Variants in EPB41 observed in about 807,000 individuals in gnomAD.
EPB41 encodes the protein erythrocyte membrane protein band 4.1.
In EPB41, 65 loss-of-function variants were observed where a neutral mutation model predicts 108.0. The observed-to-expected ratio is 0.60, with a 90% CI of 0.49 to 0.74. The LOEUF is 0.74. EPB41 is among the 30% of genes least tolerant of loss of function. EPB41 has a pLI of 0.00. For synonymous variants in EPB41, 336 were observed against 358.9 expected (o/e 0.94, Z 0.72); for missense variants, 875 against 1,037.0 (o/e 0.84, Z 2.15).
chr1:28,950,271 T>TA (rs754443788), intron 1 of EPB41, among the ~76,000 whole-genome samples: 6 of 152,230 alleles, frequency 3.9e-5, no homozygotes, highest in Non-Finnish European at 7.3e-5. Context: ...AACAGTTTAA[T>TA]AAACTGTGGC....
In EPB41 at chr1:29,064,969, C is replaced by G. The variant is rs1404145829; in HGVS notation, c.2008-13C>G. 1 of 1,613,694 alleles carries G rather than the reference C, an allele frequency of 6.2e-7. No homozygotes were observed. The highest frequency in any genetic ancestry group is 1.7e-5 in the Admixed American group (1 of 60,016). On this transcript the variant is annotated splice_polypyrimidine_tract_variant and intron_variant, in intron 15 of 20. Transcript: ENST00000343067. ...TTGTGTATTGTTTTGCATCTTTGTCCTTTCAACTGTAGGATTTAGACAAGA... is the reference window on the plus strand; with the variant it reads ...TTGTGTATTGTTTTGCATCTTTGTCGTTTCAACTGTAGGATTTAGACAAGA...
In EPB41 at chr1:29,058,853, G is replaced by C. The variant is rs1477424620; in HGVS notation, c.1944+1G>C. On this transcript the variant is annotated splice_donor_variant, in intron 14 of 20. Coordinates refer to ENST00000343067, the MANE Select transcript of EPB41 (RefSeq NM_001376013.1). LOFTEE classifies it high-confidence loss of function. ...TGAAGATCTGATAAGAATGAGGAAG[G>C]TTAGCCATTTTTCACTTTCACAAAA... 30 of 1,551,064 alleles carry C rather than the reference G, an allele frequency of 1.9e-5. No individual in the cohort carries two copies. Among genetic ancestry groups the C allele is most frequent in the Non-Finnish European group, 2.6e-5 (30 of 1,146,686 alleles).
At chr1:28,900,291 T>C (rs1031656223) in intron 1 of EPB41, among the ~76,000 whole-genome samples, 19 of 132,926 alleles carry the variant, frequency 1.4e-4, no homozygotes, top group African/African-American at 5.6e-4. Flanking sequence ...CTTCTTCTTC[T>C]TTTTTTTTTT....
chr1:28,918,818 G>A (rs147346189), intron 1 of EPB41, among the ~76,000 whole-genome samples: 1 of 152,344 alleles, frequency 6.6e-6, no homozygotes, highest in African/African-American at 2.4e-5. Context: ...TTAGAGGAGA[G>A]GAGAGGCAGA....
Position 29,115,465 on chromosome 1 carries a change from C to T in EPB41, c.2497-234C>T, listed in dbSNP as rs542312421. Among the ~76,000 whole-genome samples, 1 of 152,228 alleles carries T rather than the reference C, an allele frequency of 6.6e-6. No individual in the cohort carries two copies. Among genetic ancestry groups the T allele is most frequent in the Admixed American group, 6.5e-5 (1 of 15,282 alleles). Reference sequence around the variant, plus strand: ...CAGCTATGACCCCCGAAGTCCCTCTCCAGTTCCTAGAAGACAGCGCTAACC... The same window carrying T: ...CAGCTATGACCCCCGAAGTCCCTCTTCAGTTCCTAGAAGACAGCGCTAACC... On this transcript the variant is annotated intron_variant, in intron 19 of 20. Transcript: ENST00000343067. The surrounding 1 kb of genome is among the most constrained non-coding windows in gnomAD (Gnocchi z 4.4).
intron 16 of EPB41, chr1:29,068,864 T>G (rs868034442): frequency 9.2e-7 from 1 of 1,090,220 alleles, no homozygotes; most frequent in South Asian, 4.7e-5. Flanking sequence ...CCCCCAGAAC[T>G]GAACAACAGC....
intron 4 of EPB41, 78 bp from the exon 5 acceptor site, chr1:29,011,787 G>A: frequency 1.3e-6 from 2 of 1,483,098 alleles, no homozygotes; most frequent in Non-Finnish European, 1.9e-6. Flanking sequence ...TTTGAAGATA[G>A]TCAGTGATCT....
chr1:29,092,093 C>CTTTTTTTT (rs35413713), intron 16 of EPB41, among the ~76,000 whole-genome samples: 1 of 113,160 alleles, frequency 8.8e-6, no homozygotes, highest in Non-Finnish European at 1.8e-5. Context: ...TTCTTACCTT[C>CTTTTTTTT]TTTTTTTTTT....
In EPB41 at chr1:28,894,321, C is replaced by T. The variant is rs148489915; in HGVS notation, c.-8+7111C>T. Among the ~76,000 whole-genome samples the T allele has an allele frequency of 9.6e-4, 146 of 152,272 alleles. 1 individual carries two copies. The highest frequency in any genetic ancestry group is 1.5e-3 in the Non-Finnish European group (102 of 68,026). On this transcript the variant is annotated intron_variant, in intron 1 of 16. Transcript: ENST00000347529. ...CCAAAGGAATGAAGATATTTATTGA[C>T]TGTTTATGGTATACCTATCAATGTG... is the stretch of plus-strand genomic sequence containing the variant.
At chr1:28,939,172 C>G (rs975154065) in intron 1 of EPB41, among the ~76,000 whole-genome samples, 1 of 151,980 alleles carries the variant, frequency 6.6e-6, no homozygotes, top group Non-Finnish European at 1.5e-5. Flanking sequence ...AAATTCCTTT[C>G]TATTACTAGT....
chr1:29,104,835 G>A (rs1416948383), intron 17 of EPB41, among the ~76,000 whole-genome samples: 1 of 151,860 alleles, frequency 6.6e-6, no homozygotes, highest in African/African-American at 2.4e-5. Context: ...TGATCCTTCC[G>A]CCTCGGCCTC....
intron 16 of EPB41, among the ~76,000 whole-genome samples, chr1:29,081,102 G>A (rs989929620): frequency 5.3e-5 from 8 of 152,074 alleles, no homozygotes; most frequent in Non-Finnish European, 1.0e-4. Flanking sequence ...ATAATTAGTT[G>A]TCTTTTGCTT....
chr1:28,997,903 A>C (rs2096218581), intron 4 of EPB41, among the ~76,000 whole-genome samples: 2 of 152,210 alleles, frequency 1.3e-5, no homozygotes. Context: ...GTTAAAAGTC[A>C]GGTATTTACC....
At chr1:28,921,961 T>TATATATATATATATATATATATATATGC (rs770764638) in intron 1 of EPB41, among the ~76,000 whole-genome samples, 2 of 109,922 alleles carry the variant, frequency 1.8e-5, no homozygotes, top group Admixed American at 1.1e-4. Context: ...TATATATATA[T>TATATATATATATATATATATATATATGC]ACACTTTTTT....
At chr1:28,993,181 A>AT (rs1255576736) in intron 2 of EPB41, 149 bp from the exon 3 acceptor site, 1 of 652,048 alleles carries the variant, frequency 1.5e-6, no homozygotes, top group South Asian at 1.8e-5. Flanking sequence ...GGATCATACT[A>AT]TTTTTTATAG....
chr1:28,953,121 T>A (rs2094805300), intron 1 of EPB41, among the ~76,000 whole-genome samples: 1 of 152,132 alleles, frequency 6.6e-6, no homozygotes, highest in Non-Finnish European at 1.5e-5. Flanking sequence ...AAACAAGGTC[T>A]ACATATTGCA....
chr1:28,889,759 A>T (rs2089896279), intron 1 of EPB41: 1 of 972,548 alleles, frequency 1.0e-6, no homozygotes, highest in Non-Finnish European at 1.2e-6. Context: ...CTGGAGAGGA[A>T]TCCTGAGCCC....
intron 7 of EPB41, among the ~76,000 whole-genome samples, chr1:29,027,757 A>G (rs1270308475): frequency 6.6e-6 from 1 of 152,238 alleles, no homozygotes; most frequent in Non-Finnish European, 1.5e-5. Context: ...AAAAAATTTT[A>G]AATGCAAACA....
intron 2 of EPB41, among the ~76,000 whole-genome samples, chr1:28,988,684 A>G (rs2095931404): frequency 6.6e-6 from 1 of 152,130 alleles, no homozygotes; most frequent in Non-Finnish European, 1.5e-5. Flanking sequence ...TAAAAAAATT[A>G]ATGTAGTCAT....
Sources: gnomAD v4.1 joint callset for allele counts (sites outside exome capture counted in the v4.1 genomes callset) on GRCh38, gnomAD v4.1.1 for gene constraint, Gnocchi (gnomAD v3.1) non-coding constraint, MANE v1.5 for transcripts, NCBI Gene and HGNC (gene_info 2026-07-23, HGNC 2026-07-21) for gene names.